Variants in INPP4B observed in about 807,000 individuals in gnomAD.
The protein encoded by INPP4B is inositol polyphosphate 4-phosphatase type II.
Under a neutral mutation model 122.5 loss-of-function variants are expected in INPP4B, and 55 were observed. The observed-to-expected ratio is 0.45, with a 90% CI of 0.36 to 0.56. INPP4B has a LOEUF of 0.56. INPP4B is among the 20% of genes least tolerant of loss of function. The pLI, the probability that INPP4B is intolerant of heterozygous loss-of-function variation, is 0.00. For synonymous variants in INPP4B, 403 were observed against 388.7 expected (o/e 1.04, Z -0.43); for missense variants, 1,000 against 1,097.7 (o/e 0.91, Z 1.26).
intron 23 of INPP4B, among the ~76,000 whole-genome samples, chr4:142,094,406 G>T (rs1197731996): frequency 6.6e-6 from 1 of 152,148 alleles, no homozygotes. Flanking sequence ...TTACCCCAAT[G>T]ATAGCCCTAG....
chr4:142,537,415 TATATATATATATATAGAG>T (rs1481052990), intron 2 of INPP4B, among the ~76,000 whole-genome samples: 1 of 47,348 alleles, frequency 2.1e-5, no homozygotes, highest in East Asian at 6.5e-4. Flanking sequence ...TATATATATA[TATATATATATATATAGAG>T]AGAGAGAGAG....
Position 142,241,226 on chromosome 4 carries a change from CTT to C in INPP4B, c.689-3217_689-3216del, listed in dbSNP as rs1859224764. 2.0e-5 allele frequency among the ~76,000 whole-genome samples: 3 copies of C among 147,164 alleles called. No homozygotes were observed. In the South Asian group the frequency reaches 6.3e-4, roughly 31 times the overall value. On this transcript the variant is annotated intron_variant, in intron 11 of 25. Transcript: ENST00000262992. ...AAGAGAGCCCTGTGTGTATTCTCAT[CTT>C]CATTTTTTTTTTACTGCTTTTGCCA... is the stretch of plus-strand genomic sequence containing the variant.
At chr4:142,651,667 C>G (rs1752990858) in intron 2 of INPP4B, among the ~76,000 whole-genome samples, 1 of 152,066 alleles carries the variant, frequency 6.6e-6, no homozygotes, top group South Asian at 2.1e-4. Context: ...CAAGACTAAA[C>G]CAGGAAGAAA....
intron 2 of INPP4B, among the ~76,000 whole-genome samples, chr4:142,491,681 G>C (rs1204636078): frequency 6.6e-6 from 1 of 151,926 alleles, no homozygotes; most frequent in Non-Finnish European, 1.5e-5. Context: ...TGGGCCAAGA[G>C]TGTGAATATA....
intron 7 of INPP4B, among the ~76,000 whole-genome samples, chr4:142,397,477 G>T (rs933764186): frequency 6.6e-6 from 1 of 152,036 alleles, no homozygotes; most frequent in African/African-American, 2.4e-5. Context: ...TAAAAATTTT[G>T]GATATAGGTT....
intron 16 of INPP4B, among the ~76,000 whole-genome samples, chr4:142,162,405 AT>A (rs1820574400): frequency 1.3e-5 from 2 of 151,964 alleles, no homozygotes; most frequent in East Asian, 1.9e-4. Flanking sequence ...TATTTACATA[AT>A]TTTTTATATA....
At chr4:142,180,315 A>G (rs1037028961) in intron 15 of INPP4B, among the ~76,000 whole-genome samples, 2 of 152,192 alleles carry the variant, frequency 1.3e-5, no homozygotes, top group Admixed American at 6.5e-5. Flanking sequence ...TGATTCTGGA[A>G]TAAGAATACA....
chr4:142,537,427 TATAGAGAGAGAGAGAG>T (rs1168235679), intron 2 of INPP4B, among the ~76,000 whole-genome samples: 14 of 33,868 alleles, frequency 4.1e-4, no homozygotes, highest in South Asian at 1.3e-3. Context: ...TATATATATA[TATAGAGAGAGAGAGAG>T]AGAGAGAGAG....
Position 142,193,226 on chromosome 4 carries a change from C to T in INPP4B, c.1073-31G>A, listed in dbSNP as rs371446734. On this transcript the variant is annotated intron_variant, in intron 14 of 25. Transcript: ENST00000262992. Reference sequence around the variant, plus strand: ...GTAGAAACAGACAAGGAGATGAACACTTTGCAAACATTTATCTCCGTCATG... The same window carrying T: ...GTAGAAACAGACAAGGAGATGAACATTTTGCAAACATTTATCTCCGTCATG... The T allele has an allele frequency of 2.3e-6, 3 of 1,288,526 alleles. No individual in the cohort carries two copies. In the African/African-American group the frequency reaches 4.4e-5, roughly 19 times the overall value. 79.8% of individuals were successfully genotyped at this position (1,288,526 alleles called of 1,614,324 possible).
At chr4:142,481,441 C>A (rs1355016688) in intron 2 of INPP4B, among the ~76,000 whole-genome samples, 1 of 152,124 alleles carries the variant, frequency 6.6e-6, no homozygotes, top group Non-Finnish European at 1.5e-5. Flanking sequence ...AGAGGAATCC[C>A]TCTAATGAGA....
intron 14 of INPP4B, among the ~76,000 whole-genome samples, chr4:142,200,243 T>G (rs1840076007): frequency 6.6e-6 from 1 of 151,982 alleles, no homozygotes; most frequent in Non-Finnish European, 1.5e-5. Flanking sequence ...TTGGCTGTTG[T>G]GCCCTTTATG....
intron 1 of INPP4B, among the ~76,000 whole-genome samples, chr4:142,807,149 A>G (rs773013135): frequency 3.1e-4 from 47 of 152,214 alleles, no homozygotes; most frequent in Non-Finnish European, 4.9e-4. Context: ...CTGAGTGCTG[A>G]TTGTGCTTAT....
At chr4:142,086,343 T>G (rs1308358619) in intron 23 of INPP4B, 87 bp from the exon 24 acceptor site, 2 of 739,572 alleles carry the variant, frequency 2.7e-6, no homozygotes, top group East Asian at 2.6e-5. Context: ...TACATTTATT[T>G]GCAAACACAA....
At chr4:142,344,475 C>G (rs1035797306) in intron 7 of INPP4B, among the ~76,000 whole-genome samples, 1 of 151,810 alleles carries the variant, frequency 6.6e-6, no homozygotes, top group Non-Finnish European at 1.5e-5. Context: ...CAGCAAAGTC[C>G]GAGTTGACAG....
chr4:142,342,527 T>C (rs1779015389), intron 7 of INPP4B, among the ~76,000 whole-genome samples: 1 of 152,136 alleles, frequency 6.6e-6, no homozygotes, highest in African/African-American at 2.4e-5. Flanking sequence ...AGCAGCACTT[T>C]ATGTTGAGGA....
At chr4:142,824,201 G>A (rs1781147266) in intron 1 of INPP4B, among the ~76,000 whole-genome samples, 1 of 152,028 alleles carries the variant, frequency 6.6e-6, no homozygotes. Context: ...GCTTGCAGAT[G>A]GCAGATTGTG....
In INPP4B at chr4:142,062,742, AAAACAAAC is replaced by A. The variant is rs3043162; in HGVS notation, c.2642+19281_2642+19288del. 2.7e-3 allele frequency among the ~76,000 whole-genome samples: 403 copies of A among 149,218 alleles called. 3 individuals carry two copies. The highest frequency in any genetic ancestry group is 5.6e-3 in the South Asian group (26 of 4,674). ...CACAGCAAGACTCCGTCCCCCCGCA[AAAACAAAC>A]AAACAAACAAACAAACAAACAAACA... On this transcript the variant is annotated intron_variant, in intron 25 of 25. Coordinates refer to ENST00000262992, the MANE Select transcript of INPP4B (RefSeq NM_001101669.3).
chr4:142,112,741 G>GT (rs1219418379), intron 21 of INPP4B, 59 bp from the exon 22 acceptor site: 1 of 1,515,224 alleles, frequency 6.6e-7, no homozygotes, highest in African/African-American at 1.4e-5. Context: ...TGTTATTTTA[G>GT]ATTTATTGGA....
intron 2 of INPP4B, among the ~76,000 whole-genome samples, chr4:142,700,058 T>C (rs937151226): frequency 2.0e-5 from 3 of 152,168 alleles, no homozygotes; most frequent in Non-Finnish European, 4.4e-5. Context: ...TCTCTCCCTG[T>C]ATAGTAAAGC....
Sources: gnomAD v4.1 joint callset for allele counts (sites outside exome capture counted in the v4.1 genomes callset) on GRCh38, gnomAD v4.1.1 for gene constraint, MANE v1.5 for transcripts, NCBI Gene and HGNC (gene_info 2026-07-23, HGNC 2026-07-21) for gene names.